Variants in VPS13C observed in about 807,000 individuals in gnomAD.
VPS13C encodes vacuolar protein sorting 13 homolog C.
Under a neutral mutation model 456.8 loss-of-function variants are expected in VPS13C, and 358 were observed. The observed-to-expected ratio is 0.78, with a 90% CI of 0.72 to 0.86. VPS13C has a LOEUF of 0.86. Ranked by LOEUF, VPS13C falls within the 40% of genes least tolerant of loss-of-function variation. The probability of loss-of-function intolerance (pLI) is 0.00; values close to 1 mark genes in which losing one functional copy is unlikely to be tolerated. For synonymous variants in VPS13C, 1,578 were observed against 1,486.7 expected (o/e 1.06, Z -1.41); for missense variants, 4,818 against 4,385.4 (o/e 1.10, Z -2.79).
intron 49 of VPS13C, among the ~76,000 whole-genome samples, chr15:61,932,363 C>T (rs779085326): frequency 5.9e-5 from 9 of 151,906 alleles, no homozygotes; most frequent in East Asian, 5.8e-4. Flanking sequence ...TTGGATACTC[C>T]GATTAAAGAA....
At chr15:61,933,642 T>C (rs2044133046) in intron 49 of VPS13C, among the ~76,000 whole-genome samples, 2 of 152,076 alleles carry the variant, frequency 1.3e-5, no homozygotes, top group African/African-American at 4.8e-5. Flanking sequence ...GAAGGAAATA[T>C]CAGCATAATA....
At position 61,952,790 on chromosome 15, in the gene VPS13C, C is replaced by T. The variant is rs556567296; in HGVS notation, c.4300-810G>A. ...CTGGAGTGCAGTGGCACAATCAGAGCTCACTGCAGTCTTGACCTCCTGGGC... is the reference window on the plus strand; with the variant it reads ...CTGGAGTGCAGTGGCACAATCAGAGTTCACTGCAGTCTTGACCTCCTGGGC... On this transcript the variant is annotated intron_variant, in intron 38 of 84. Transcript: ENST00000644861. Among the ~76,000 whole-genome samples the T allele has an allele frequency of 2.2e-4, 33 of 152,256 alleles. No individual in the cohort carries two copies. The East Asian group carries it at 5.6e-3, about 26-fold the overall frequency.
chr15:61,963,085 G>A (rs752341706), intron 32 of VPS13C, among the ~76,000 whole-genome samples: 11 of 152,008 alleles, frequency 7.2e-5, no homozygotes, highest in Non-Finnish European at 1.5e-4. Context: ...AATACATCTA[G>A]TACAAATAGA....
chr15:61,950,275 T>C, intron 41 of VPS13C, 83 bp downstream of exon 41: 1 of 1,006,750 alleles, frequency 9.9e-7, no homozygotes, highest in South Asian at 1.3e-5. Flanking sequence ...ACGTTAGAAC[T>C]TACAATCTCA....
At chr15:62,038,508 G>A (rs1449663586) in intron 3 of VPS13C, among the ~76,000 whole-genome samples, 1 of 152,162 alleles carries the variant, frequency 6.6e-6, no homozygotes, top group Non-Finnish European at 1.5e-5. Flanking sequence ...GATCCCTTGA[G>A]CCCAGGAAGT....
chr15:61,973,105 G>C (rs1270535286), intron 26 of VPS13C, among the ~76,000 whole-genome samples: 1 of 152,152 alleles, frequency 6.6e-6, no homozygotes, highest in African/African-American at 2.4e-5. Flanking sequence ...GATAGACATG[G>C]TCCTGTCCTG....
At chr15:61,869,748 AAAG>A in intron 79 of VPS13C, 125 bp from the exon 80 acceptor site, 1 of 1,477,250 alleles carries the variant, frequency 6.8e-7, no homozygotes, top group Non-Finnish European at 9.0e-7. Flanking sequence ...TTGGCTTTCT[AAAG>A]AAGTTAAATG....
intron 37 of VPS13C, among the ~76,000 whole-genome samples, chr15:61,954,839 GA>G (rs1306677733): frequency 1.3e-5 from 2 of 152,144 alleles, no homozygotes; most frequent in Non-Finnish European, 2.9e-5. Context: ...CTGTTATACA[GA>G]AGTCAAGAAA....
At chr15:62,041,215 A>T in intron 3 of VPS13C, 109 bp downstream of exon 3, 1 of 1,184,908 alleles carries the variant, frequency 8.4e-7, no homozygotes, top group Non-Finnish European at 1.2e-6. Context: ...AATGAGGCAA[A>T]AAAAAATCTC....
intron 11 of VPS13C, among the ~76,000 whole-genome samples, chr15:62,012,472 CA>C (rs1383102433): frequency 3.3e-5 from 5 of 151,848 alleles, no homozygotes; most frequent in African/African-American, 1.2e-4. Flanking sequence ...ACATTCTAGT[CA>C]CAGGCAAATC....
intron 55 of VPS13C, 73 bp from the exon 56 acceptor site, chr15:61,920,720 G>T: frequency 7.1e-7 from 1 of 1,410,706 alleles, no homozygotes; most frequent in Non-Finnish European, 9.5e-7. Flanking sequence ...CTGGAGTTCA[G>T]TTCTCCTAAA....
chr15:61,991,770 C>A lies in VPS13C; in HGVS notation c.1386G>T (p.Lys462Asn). 6.2e-7 allele frequency: 1 copy of A among 1,613,042 alleles called. No individual in the cohort carries two copies. Among genetic ancestry groups the A allele is most frequent in the Non-Finnish European group, 8.5e-7 (1 of 1,179,588 alleles). Residue 462 changes from lysine (K) to asparagine (N), a missense_variant, in exon 17 of 85, where the codon AAG becomes AAT. Lys to Asn is a moderately conservative substitution (Grantham distance 94, BLOSUM62 0). Around this residue, in one of 3 missense-constraint regions of VPS13C, gnomAD observed 4,552 missense variants for 4,130.6 expected, o/e 1.10. Coordinates refer to ENST00000644861, the MANE Select transcript of VPS13C (RefSeq NM_020821.3). Reference sequence around the variant, plus strand: ...CACGTTTCTCGCCTGTGTCAGCAGACTTTTTCCTTAATTTTTGCCCAGACC... The same window carrying A: ...CACGTTTCTCGCCTGTGTCAGCAGAATTTTTCCTTAATTTTTGCCCAGACC... ...VIRSGQKLRK[K>N]SADTGEKRGG...
intron 41 of VPS13C, 100 bp downstream of exon 41, chr15:61,950,258 T>G (rs2044740675): frequency 1.2e-6 from 1 of 828,128 alleles, no homozygotes; most frequent in African/African-American, 1.7e-5. Context: ...TTGCCACTGT[T>G]ATTCTCACGT....
chr15:61,980,218 G>C (rs1342451154), intron 22 of VPS13C, among the ~76,000 whole-genome samples: 1 of 142,064 alleles, frequency 7.0e-6, no homozygotes, highest in Non-Finnish European at 1.5e-5. Flanking sequence ...AAAAAAGAGA[G>C]AGAGAGATGA....
rs746475956 is a variant in VPS13C, at chr15:61,929,482, A to G, written c.6286+19T>C. On this transcript the variant is annotated intron_variant, in intron 51 of 84. Transcript: ENST00000644861. ...CAAAATATACAAGTTGTCATCTATG[A>G]CAGATAAATTCTGCTAACCTTTCTC... The G allele has an allele frequency of 6.2e-7, 1 of 1,608,294 alleles. No homozygotes were observed. The highest frequency in any genetic ancestry group is 8.5e-7 in the Non-Finnish European group (1 of 1,175,942).
intron 48 of VPS13C, 120 bp downstream of exon 48, chr15:61,936,477 A>T: frequency 3.1e-6 from 3 of 969,946 alleles, no homozygotes; most frequent in Non-Finnish European, 4.1e-6. Flanking sequence ...TTCCACAGTA[A>T]GTAGTACAAT....
At chr15:61,857,212 T>C (rs1893965491) in intron 82 of VPS13C, among the ~76,000 whole-genome samples, 1 of 152,140 alleles carries the variant, frequency 6.6e-6, no homozygotes, top group African/African-American at 2.4e-5. Context: ...AGGTGCTCAC[T>C]GGCTAGAGGA....
At chr15:61,965,405 C>T (rs1055410392) in intron 30 of VPS13C, among the ~76,000 whole-genome samples, 1 of 151,756 alleles carries the variant, frequency 6.6e-6, no homozygotes, top group African/African-American at 2.4e-5. Flanking sequence ...AAAAGTACTA[C>T]TTTTTTTAAA....
chr15:62,044,312 A>G, intron 1 of VPS13C, 57 bp from the exon 2 acceptor site: 1 of 1,101,216 alleles, frequency 9.1e-7, no homozygotes, highest in Non-Finnish European at 1.3e-6. Flanking sequence ...TTTTAAACCT[A>G]TCACAATGTA....
Sources: allele counts gnomAD v4.1 joint callset (sites outside exome capture counted in the v4.1 genomes callset), GRCh38; gene constraint gnomAD v4.1.1; regional missense constraint gnomAD v4.1.1; transcripts MANE v1.5; gene names NCBI Gene and HGNC (gene_info 2026-07-23, HGNC 2026-07-21).